Variants in ZSCAN22 observed in about 807,000 individuals in gnomAD.
ZSCAN22 encodes the protein zinc finger and SCAN domain-containing protein 22.
A neutral mutation model predicts 12.4 loss-of-function variants in ZSCAN22; 7 were observed. The observed-to-expected ratio is 0.57, with a 90% CI of 0.32 to 1.06. ZSCAN22 has a LOEUF of 1.06. ZSCAN22 is among the 50% of genes least tolerant of loss of function. The pLI is 0.04. For synonymous variants in ZSCAN22, 243 were observed against 255.9 expected (o/e 0.95, Z 0.48); for missense variants, 576 against 631.7 (o/e 0.91, Z 0.94).
chr19:58,331,518 G>GTTGTTATTA (rs1300611906), intron 1 of ZSCAN22, among the ~76,000 whole-genome samples: 1 of 119,452 alleles, frequency 8.4e-6, no homozygotes, highest in Non-Finnish European at 1.7e-5. Context: ...TCCAGCTGAC[G>GTTGTTATTA]TTATTATTAT....
Position 58,341,312 on chromosome 19 carries a change from G to T in ZSCAN22, c.*1986G>T, listed in dbSNP as rs2147994389. ...CAGCATTCTGTCCATGTGTTCTCTG[G>T]TCTTCTCTCACAATGCTGCATCCCT... On this transcript the variant is annotated 3_prime_UTR_variant, in exon 3 of 3. Transcript: ENST00000329665. The T allele has an allele frequency of 6.6e-6, 1 of 152,252 alleles. No homozygotes were observed. Among genetic ancestry groups the T allele is most frequent in the South Asian group, 2.1e-4 (1 of 4,824 alleles). The allele number at this position is 152,252 out of a possible 1,614,324, so 9.4% of individuals were successfully genotyped here. A position where few individuals can be genotyped will look rare whatever the true frequency, so the allele number is the denominator to read the frequency against.
In ZSCAN22 at chr19:58,335,105, G is replaced by T; in HGVS notation, c.303G>T (p.Leu101=). 6.2e-7 allele frequency: 1 copy of T among 1,614,140 alleles called. No homozygotes were observed. ...TGCTGGAGCAGTTCCTGGGTGCGCTGCCCCCAGAGATCCAAGCCTGGGTGG... is the reference window on the plus strand; with the variant it reads ...TGCTGGAGCAGTTCCTGGGTGCGCTTCCCCCAGAGATCCAAGCCTGGGTGG... ...LLVLEQFLGA[L]PPEIQAWVGA... Residue 101 remains leucine (L), a synonymous_variant, in exon 2 of 3, where the codon CTG becomes CTT. Coordinates refer to ENST00000329665, the MANE Select transcript of ZSCAN22 (RefSeq NM_181846.3). This position sits in a 1 kb window ranked among gnomAD's most constrained non-coding sequence, Gnocchi z 4.1.
chr19:58,339,560 G>A lies in ZSCAN22; in HGVS notation c.*234G>A. On this transcript the variant is annotated 3_prime_UTR_variant, in exon 3 of 3. Transcript: ENST00000329665. The surrounding 1 kb of genome is among the most constrained non-coding windows in gnomAD (Gnocchi z 5.6). ...GAAGCTTCCAGAAGGGCCCTGCACT[G>A]CTACCCTCTATTTCCCACTCAGGGC... The A allele has an allele frequency of 2.0e-6, 1 of 504,704 alleles. No homozygotes were observed. The highest frequency in any genetic ancestry group is 1.9e-5 in the African/African-American group (1 of 52,544). The allele number at this position is 504,704 out of a possible 1,614,324, so 31.3% of individuals were successfully genotyped here.
In ZSCAN22 at chr19:58,338,533, A is replaced by G. The variant is rs147109709; in HGVS notation, c.683A>G (p.Asn228Ser). 83 of 1,614,080 alleles carry G rather than the reference A, an allele frequency of 5.1e-5. No individual in the cohort carries two copies. The African/African-American group carries it at 9.2e-4, about 18-fold the overall frequency. The change falls in exon 3 of 3, where the codon AAC (asparagine) becomes AGC (serine). Residue 228 changes from asparagine (N) to serine (S), a missense_variant. Coordinates refer to ENST00000329665, the MANE Select transcript of ZSCAN22 (RefSeq NM_181846.3). This position sits in a 1 kb window ranked among gnomAD's most constrained non-coding sequence, Gnocchi z 5.4. ...QRGRESGASR[N>S]SSSAWPNLTS... Reference sequence around the variant, plus strand: ...GGCCGTGAATCTGGTGCCTCGAGGAACAGTTCTAGTGCGTGGCCAAACCTC... The same window carrying G: ...GGCCGTGAATCTGGTGCCTCGAGGAGCAGTTCTAGTGCGTGGCCAAACCTC...
At chr19:58,336,157 A>G (rs1362056832) in intron 2 of ZSCAN22, among the ~76,000 whole-genome samples, 3 of 152,202 alleles carry the variant, frequency 2.0e-5, no homozygotes, top group African/African-American at 2.4e-5. Context: ...CAGTTTACTC[A>G]TGGGTAAAAT....
chr19:58,334,791 C>T lies in ZSCAN22; in HGVS notation c.-12C>T, dbSNP rs770579122. 3 of 1,582,942 alleles carry T rather than the reference C, an allele frequency of 1.9e-6. No individual in the cohort carries two copies. Among genetic ancestry groups the T allele is most frequent in the Non-Finnish European group, 2.6e-6 (3 of 1,161,436 alleles). On this transcript the variant is annotated 5_prime_UTR_variant, in exon 2 of 3. Transcript: ENST00000329665. The stretch of plus-strand genomic sequence containing the variant: ...CTCCGGCATCCTGTGTCTCACTGAG[C>T]ACTGCTGCCCGATGGCCATCCCCAA...
intron 2 of ZSCAN22, among the ~76,000 whole-genome samples, chr19:58,336,990 C>T (rs2051805281): frequency 6.6e-6 from 1 of 152,226 alleles, no homozygotes; most frequent in Admixed American, 6.5e-5. Context: ...CCCTGGAATC[C>T]ATCCAGTAGA....
In ZSCAN22 at chr19:58,339,411, A is replaced by T; in HGVS notation, c.*85A>T. The T allele has an allele frequency of 7.8e-7, 1 of 1,280,030 alleles. No individual in the cohort carries two copies. Among genetic ancestry groups the T allele is most frequent in the Non-Finnish European group, 1.1e-6 (1 of 938,562 alleles). 79.3% of individuals were successfully genotyped at this position (1,280,030 alleles called of 1,614,324 possible). A position where few individuals can be genotyped will look rare whatever the true frequency, so the allele number is the denominator to read the frequency against. The stretch of plus-strand genomic sequence containing the variant: ...AAACGCTGAGTTCCTGAAGAGCCAC[A>T]GACAGGGTGGGTGATTGATGAGTTG... On this transcript the variant is annotated 3_prime_UTR_variant, in exon 3 of 3. Coordinates refer to ENST00000329665, the MANE Select transcript of ZSCAN22 (RefSeq NM_181846.3). This position sits in a 1 kb window ranked among gnomAD's most constrained non-coding sequence, Gnocchi z 5.6.
chr19:58,338,049 C>T lies in ZSCAN22; in HGVS notation c.404-205C>T, dbSNP rs1009335475. ...GGTGGGAGGAGGAGAAATCAGAACCCATGGTGTAGTTTTGGATGGTGTGGG... is the reference window on the plus strand; with the variant it reads ...GGTGGGAGGAGGAGAAATCAGAACCTATGGTGTAGTTTTGGATGGTGTGGG... On this transcript the variant is annotated intron_variant, in intron 2 of 2. Coordinates refer to ENST00000329665, the MANE Select transcript of ZSCAN22 (RefSeq NM_181846.3). This position sits in a 1 kb window ranked among gnomAD's most constrained non-coding sequence, Gnocchi z 5.4. Among the ~76,000 whole-genome samples, 6 of 152,220 alleles carry T rather than the reference C, an allele frequency of 3.9e-5. No individual in the cohort carries two copies. The highest frequency in any genetic ancestry group is 1.2e-4 in the African/African-American group (5 of 41,464).
rs2051875847 is a variant in ZSCAN22 at position 58,341,534 on chromosome 19, G to C, written c.*2208G>C. On this transcript the variant is annotated 3_prime_UTR_variant, in exon 3 of 3. Transcript: ENST00000329665. Reference sequence around the variant, plus strand: ...TGTATTTCGGGCCCATTCCCTCTATGTCAAGAGTAAATAGAGGCACAGAGA... The same window carrying C: ...TGTATTTCGGGCCCATTCCCTCTATCTCAAGAGTAAATAGAGGCACAGAGA... 1 of 152,140 alleles carries C rather than the reference G, an allele frequency of 6.6e-6. No homozygotes were observed. Among genetic ancestry groups the C allele is most frequent in the Non-Finnish European group, 1.5e-5 (1 of 68,032 alleles). The allele number at this position is 152,140 out of a possible 1,614,324, so 9.4% of individuals were successfully genotyped here.
chr19:58,330,621 T>G (rs1276414464), intron 1 of ZSCAN22, among the ~76,000 whole-genome samples: 1 of 152,200 alleles, frequency 6.6e-6, no homozygotes, highest in Non-Finnish European at 1.5e-5. Context: ...ACTGACCAGA[T>G]GACTCTAGCA....
chr19:58,330,423 T>C (rs1002964397), intron 1 of ZSCAN22, among the ~76,000 whole-genome samples: 7 of 152,250 alleles, frequency 4.6e-5, no homozygotes, highest in Non-Finnish European at 7.3e-5. Flanking sequence ...ATTTTAAAGC[T>C]CTTACAACAT....
rs563202700 is a variant in ZSCAN22, at chr19:58,339,699, A to C, written c.*373A>C. The C allele has an allele frequency of 6.9e-5, 14 of 201,738 alleles. No individual in the cohort carries two copies. In the East Asian group the frequency reaches 1.6e-3, roughly 23 times the overall value. 12.5% of individuals were successfully genotyped at this position (201,738 alleles called of 1,614,324 possible). On this transcript the variant is annotated 3_prime_UTR_variant, in exon 3 of 3. Transcript: ENST00000329665. This position sits in a 1 kb window ranked among gnomAD's most constrained non-coding sequence, Gnocchi z 5.6. ...GTCCCAAGACGCTCTGGGCGGGCCAACTGTAGCTTGTTCTCATGTGGTTCT... is the reference window on the plus strand; with the variant it reads ...GTCCCAAGACGCTCTGGGCGGGCCACCTGTAGCTTGTTCTCATGTGGTTCT...
Position 58,338,835 on chromosome 19 carries a change from T to C in ZSCAN22, c.985T>C (p.Cys329Arg), listed in dbSNP as rs1460013908. ...GGCGAAGCCCCATGAGTGTAAGGAA[T>C]GTGGGAAGGCCTTCAGCCGAGTCAC... ...TGAKPHECKE[C>R]GKAFSRVTHL... is the part of the protein sequence containing the mutation. Residue 329 changes from cysteine to arginine, a missense_variant, in exon 3 of 3, where the codon TGT (cysteine) becomes CGT (arginine). Coordinates refer to ENST00000329665, the MANE Select transcript of ZSCAN22 (RefSeq NM_181846.3). This position sits in a 1 kb window ranked among gnomAD's most constrained non-coding sequence, Gnocchi z 5.4. The C allele has an allele frequency of 1.2e-6, 2 of 1,613,978 alleles. No homozygotes were observed. The highest frequency in any genetic ancestry group is 1.7e-6 in the Non-Finnish European group (2 of 1,179,840).
chr19:58,331,317 A>G (rs1405439140), intron 1 of ZSCAN22, among the ~76,000 whole-genome samples: 20 of 150,950 alleles, frequency 1.3e-4, no homozygotes, highest in Admixed American at 1.3e-3. Context: ...CCCGGGTTCA[A>G]GCAATTCTCC....
rs1275329857 is a variant in ZSCAN22, at chr19:58,338,881, G to T, written c.1031G>T (p.Arg344Met). The T allele has an allele frequency of 6.2e-7, 1 of 1,614,124 alleles. No homozygotes were observed. The highest frequency in any genetic ancestry group is 8.5e-7 in the Non-Finnish European group (1 of 1,180,032). The stretch of plus-strand genomic sequence containing the variant: ...GTCACCCACCTGACTCAGCACCAAA[G>T]GATTCATACTGGAGAGAAACCCTAC... ...SRVTHLTQHQ[R>M]IHTGEKPYKC... is the part of the protein sequence containing the mutation. The change falls in exon 3 of 3, where the codon AGG becomes ATG. Residue 344 changes from arginine (R) to methionine (M), a missense_variant. By Grantham distance (91) the Arg-to-Met change is moderately conservative (BLOSUM62 -1). Transcript: ENST00000329665. The surrounding 1 kb of genome is among the most constrained non-coding windows in gnomAD (Gnocchi z 5.4).
Position 58,334,777 on chromosome 19 carries a change from T to C in ZSCAN22, c.-26T>C. The C allele has an allele frequency of 6.4e-7, 1 of 1,561,826 alleles. No homozygotes were observed. The highest frequency in any genetic ancestry group is 8.7e-7 in the Non-Finnish European group (1 of 1,151,096). ...GCCCAGTTCCAAGGCTCCGGCATCCTGTGTCTCACTGAGCACTGCTGCCCG... is the reference window on the plus strand; with the variant it reads ...GCCCAGTTCCAAGGCTCCGGCATCCCGTGTCTCACTGAGCACTGCTGCCCG... On this transcript the variant is annotated 5_prime_UTR_variant, in exon 2 of 3. Transcript: ENST00000329665.
chr19:58,328,951 G>A (rs1189703462), intron 1 of ZSCAN22, among the ~76,000 whole-genome samples: 1 of 152,184 alleles, frequency 6.6e-6, no homozygotes, highest in African/African-American at 2.4e-5. Flanking sequence ...TGAGGAAACA[G>A]TACAGAACTA....
At chr19:58,332,312 C>T (rs2051737338) in intron 1 of ZSCAN22, among the ~76,000 whole-genome samples, 3 of 117,498 alleles carry the variant, frequency 2.6e-5, no homozygotes, top group Admixed American at 2.3e-4. Context: ...CTACCTCTGT[C>T]GCCAAGGCTG....
Sources: gnomAD v4.1 joint callset for allele counts (sites outside exome capture counted in the v4.1 genomes callset) on GRCh38, gnomAD v4.1.1 for gene constraint, Gnocchi (gnomAD v3.1) non-coding constraint, MANE v1.5 for transcripts, NCBI Gene and HGNC (gene_info 2026-07-23, HGNC 2026-07-21) for gene names.